Variants in PLXNA2 observed in about 807,000 individuals in gnomAD.
The protein encoded by PLXNA2 is plexin A2.
In PLXNA2, 91 loss-of-function variants were observed where a neutral mutation model predicts 193.5. The observed-to-expected ratio is 0.47, with a 90% confidence interval of 0.40 to 0.56. PLXNA2 has a LOEUF of 0.56. Among genes scored for constraint, PLXNA2 ranks in the 20% least tolerant of loss-of-function variants. The probability of loss-of-function intolerance (pLI) is 0.00; values close to 1 mark genes in which losing one functional copy is unlikely to be tolerated. For missense variants in PLXNA2, 1,995 were observed against 2,503.2 expected (o/e 0.80, Z 4.33); for synonymous variants, 997 against 1,027.3 (o/e 0.97, Z 0.56).
At chr1:208,128,593 C>T (rs1464300487) in intron 4 of PLXNA2, among the ~76,000 whole-genome samples, 1 of 152,034 alleles carries the variant, frequency 6.6e-6, no homozygotes, top group Non-Finnish European at 1.5e-5. Flanking sequence ...TGAGGCCTTA[C>T]AGTAAACTAG....
chr1:208,094,883 T>A (rs1666829449), intron 8 of PLXNA2, among the ~76,000 whole-genome samples: 1 of 152,196 alleles, frequency 6.6e-6, no homozygotes, highest in Non-Finnish European at 1.5e-5. Flanking sequence ...AGGACTAGCT[T>A]ATTTGCCTCT....
At chr1:208,065,322 G>A (rs758006411) in intron 12 of PLXNA2, among the ~76,000 whole-genome samples, 21 of 152,188 alleles carry the variant, frequency 1.4e-4, no homozygotes, top group Non-Finnish European at 2.8e-4. Context: ...AAGGAAGAGA[G>A]TAACCTCTGG....
chr1:208,107,798 G>A (rs1422499085), intron 4 of PLXNA2, among the ~76,000 whole-genome samples: 1 of 152,178 alleles, frequency 6.6e-6, no homozygotes, highest in East Asian at 1.9e-4. Context: ...TGGCTGGGCT[G>A]GCAGGTGAGT....
intron 13 of PLXNA2, among the ~76,000 whole-genome samples, chr1:208,059,823 A>G (rs911726270): frequency 2.6e-5 from 4 of 152,164 alleles, no homozygotes; most frequent in African/African-American, 9.7e-5. Flanking sequence ...AGATAAAGCG[A>G]TGTCATTTTT....
intron 2 of PLXNA2, among the ~76,000 whole-genome samples, chr1:208,214,596 G>C (rs549813556): frequency 1.1e-4 from 16 of 152,280 alleles, no homozygotes; most frequent in African/African-American, 3.6e-4. Flanking sequence ...TACTCAGAAG[G>C]TAGCCGTATG....
At chr1:208,230,304 C>G (rs1315712846) in intron 1 of PLXNA2, 1 of 152,262 alleles carries the variant, frequency 6.6e-6, no homozygotes, top group Non-Finnish European at 1.5e-5. Context: ...TCGGAAGAAA[C>G]AAACAGGGTG....
At chr1:208,030,576 G>C (rs767603000) in intron 29 of PLXNA2, 335 of 985,338 alleles carry the variant, frequency 3.4e-4, no homozygotes, top group Non-Finnish European at 3.9e-4. Context: ...GGAAGGCTCA[G>C]CGACCACAAG....
intron 3 of PLXNA2, among the ~76,000 whole-genome samples, chr1:208,188,529 C>T (rs552226823): frequency 2.0e-5 from 3 of 151,880 alleles, no homozygotes; most frequent in African/African-American, 7.3e-5. Context: ...GCCAACATGT[C>T]GAAATCCCAT....
At chr1:208,134,384 G>A (rs1276531287) in intron 4 of PLXNA2, among the ~76,000 whole-genome samples, 3 of 152,002 alleles carry the variant, frequency 2.0e-5, no homozygotes, top group Non-Finnish European at 2.9e-5. Flanking sequence ...CCACAGCCCC[G>A]GGAGGTGGGA....
At chr1:208,163,166 G>A (rs1282972467) in intron 3 of PLXNA2, among the ~76,000 whole-genome samples, 1 of 152,160 alleles carries the variant, frequency 6.6e-6, no homozygotes, top group East Asian at 1.9e-4. Flanking sequence ...CAGGGTGTGA[G>A]TGTGGCAGAA....
In PLXNA2 at chr1:208,038,341, C is replaced by G; in HGVS notation, c.4764+30G>C. ...AGCGGGAAGGGAACATTCTGGGAAG[C>G]TGAAGAGGGGAAAAGACACCCCCTC... On this transcript the variant is annotated intron_variant, in intron 26 of 31. Coordinates refer to ENST00000367033, the MANE Select transcript of PLXNA2 (RefSeq NM_025179.4). The surrounding 1 kb of genome is among the most constrained non-coding windows in gnomAD (Gnocchi z 4.1). The G allele has an allele frequency of 6.9e-7, 1 of 1,447,392 alleles. No individual in the cohort carries two copies. Among genetic ancestry groups the G allele is most frequent in the Non-Finnish European group, 9.7e-7 (1 of 1,027,828 alleles). 89.7% of individuals were successfully genotyped at this position (1,447,392 alleles called of 1,614,324 possible).
chr1:208,075,353 G>T (rs753310260), intron 12 of PLXNA2, among the ~76,000 whole-genome samples: 10 of 151,962 alleles, frequency 6.6e-5, no homozygotes, highest in Admixed American at 3.9e-4. Flanking sequence ...CTTAAAGGTT[G>T]CTTTTAGCAA....
At chr1:208,112,082 G>A (rs1667496533) in intron 4 of PLXNA2, among the ~76,000 whole-genome samples, 3 of 152,204 alleles carry the variant, frequency 2.0e-5, no homozygotes, top group Non-Finnish European at 2.9e-5. Flanking sequence ...GTAATTCAGA[G>A]TAATTAAACC....
chr1:208,079,568 A>T (rs1204267257), intron 11 of PLXNA2, 118 bp from the exon 12 acceptor site: 2 of 709,510 alleles, frequency 2.8e-6, no homozygotes, highest in Non-Finnish European at 4.6e-6. Context: ...TAACACCACC[A>T]ATCATCATTA....
At chr1:208,113,417 G>A (rs1024216653) in intron 4 of PLXNA2, among the ~76,000 whole-genome samples, 2 of 152,102 alleles carry the variant, frequency 1.3e-5, no homozygotes, top group African/African-American at 4.8e-5. Flanking sequence ...CCAAGAACTG[G>A]GCATCTGCCT....
rs146489883 is a variant in PLXNA2 at position 208,136,696 on chromosome 1, T to G, written c.1506+5633A>C. On this transcript the variant is annotated intron_variant, in intron 4 of 31. Coordinates refer to ENST00000367033, the MANE Select transcript of PLXNA2 (RefSeq NM_025179.4). ...CCAGATTATGGGAGACTCAGCTCAG[T>G]GCTGTCATTTGGCCAGGCCAGAGGC... Among the ~76,000 whole-genome samples the G allele has an allele frequency of 2.0e-3, 303 of 152,306 alleles. 2 individuals carry two copies. The highest frequency in any genetic ancestry group is 5.5e-3 in the African/African-American group (228 of 41,560).
chr1:208,122,471 T>C (rs930259212), intron 4 of PLXNA2, among the ~76,000 whole-genome samples: 1 of 152,316 alleles, frequency 6.6e-6, no homozygotes, highest in East Asian at 1.9e-4. Flanking sequence ...ATCTCCCTAA[T>C]AGGAATGTTG....
rs1665238530 is a variant in PLXNA2 at position 208,050,947 on chromosome 1, T to C, written c.3255+62A>G. On this transcript the variant is annotated intron_variant, in intron 17 of 31. Coordinates refer to ENST00000367033, the MANE Select transcript of PLXNA2 (RefSeq NM_025179.4). ...AGTGCCTAACCCAGAGCTCATCCCA[T>C]TGCAAAACATCAACACAGAGCTGTG... 10 of 1,244,746 alleles carry C rather than the reference T, an allele frequency of 8.0e-6. No homozygotes were observed. The East Asian group carries it at 1.2e-4, about 14-fold the overall frequency. The allele number at this position is 1,244,746 out of a possible 1,614,324, so 77.1% of individuals were successfully genotyped here.
At chr1:208,128,705 T>C (rs1157073891) in intron 4 of PLXNA2, among the ~76,000 whole-genome samples, 25 of 143,328 alleles carry the variant, frequency 1.7e-4, no homozygotes, top group East Asian at 4.1e-4. Flanking sequence ...CTTTTTTTTT[T>C]TTTTTTTTTT....
Sources: allele counts gnomAD v4.1 joint callset (sites outside exome capture counted in the v4.1 genomes callset), GRCh38; gene constraint gnomAD v4.1.1; non-coding constraint Gnocchi (gnomAD v3.1); transcripts MANE v1.5; gene names NCBI Gene and HGNC (gene_info 2026-07-23, HGNC 2026-07-21).